The following RGS7BP variants were observed in gnomAD, a reference collection of about 807,000 sequenced individuals.
RGS7BP encodes regulator of G protein signaling 7-binding protein.
RGS7BP carries 9 observed loss-of-function variants against 31.3 expected under a neutral mutation model. The ratio of observed to expected loss-of-function variants is 0.29; its 90% CI spans 0.17 to 0.50. The LOEUF (loss-of-function observed/expected upper bound fraction) is 0.50. Ranked by LOEUF, RGS7BP falls within the 20% of genes least tolerant of loss-of-function variation. The pLI is 0.98. For missense variants in RGS7BP, 274 were observed against 322.0 expected (o/e 0.85, Z 1.14); for synonymous variants, 115 against 120.1 (o/e 0.96, Z 0.28).
intron 2 of RGS7BP, among the ~76,000 whole-genome samples, chr5:64,538,422 T>C (rs1741427730): frequency 6.6e-6 from 1 of 151,920 alleles, no homozygotes. Context: ...TATTTTGTCT[T>C]TGTTTTGCCT....
chr5:64,565,019 G>C (rs6896094), intron 2 of RGS7BP, among the ~76,000 whole-genome samples: 10 of 152,050 alleles, frequency 6.6e-5, no homozygotes, highest in African/African-American at 2.4e-4. Flanking sequence ...GCCACATTTG[G>C]ACCACATGCC....
intron 2 of RGS7BP, among the ~76,000 whole-genome samples, chr5:64,553,753 T>C (rs1741853570): frequency 1.3e-5 from 2 of 152,264 alleles, no homozygotes; most frequent in African/African-American, 2.4e-5. Context: ...AATGTATCTA[T>C]TTCTGGCAAG....
At chr5:64,594,053 G>A (rs1170177921) in intron 3 of RGS7BP, among the ~76,000 whole-genome samples, 2 of 152,186 alleles carry the variant, frequency 1.3e-5, no homozygotes. Flanking sequence ...ACAAGTCTTA[G>A]TGGGTAGGTA....
intron 2 of RGS7BP, among the ~76,000 whole-genome samples, chr5:64,543,799 G>A (rs1580415088): frequency 6.6e-6 from 1 of 152,184 alleles, no homozygotes; most frequent in African/African-American, 2.4e-5. Context: ...GAGCAAGGGT[G>A]TCCACTCTAT....
At chr5:64,581,013 A>G (rs1742583039) in intron 3 of RGS7BP, among the ~76,000 whole-genome samples, 1 of 152,098 alleles carries the variant, frequency 6.6e-6, no homozygotes, top group Admixed American at 6.5e-5. Flanking sequence ...CAGGAATTTG[A>G]GACCAGCCTG....
chr5:64,585,751 A>G (rs926834282), intron 3 of RGS7BP, among the ~76,000 whole-genome samples: 4 of 152,194 alleles, frequency 2.6e-5, no homozygotes, highest in Non-Finnish European at 4.4e-5. Flanking sequence ...AAACATGCCT[A>G]TTACATTATC....
At chr5:64,567,588 C>T (rs1045405036) in intron 2 of RGS7BP, among the ~76,000 whole-genome samples, 2 of 152,080 alleles carry the variant, frequency 1.3e-5, no homozygotes, top group Non-Finnish European at 2.9e-5. Flanking sequence ...TTTCAGACAT[C>T]GGGATCAATT....
At chr5:64,569,480 G>A (rs1469772985) in intron 2 of RGS7BP, among the ~76,000 whole-genome samples, 2 of 151,852 alleles carry the variant, frequency 1.3e-5, no homozygotes, top group African/African-American at 2.4e-5. Context: ...TACTCATTTT[G>A]GTATGAAATA....
At chr5:64,577,280 T>C (rs1035023930) in intron 3 of RGS7BP, among the ~76,000 whole-genome samples, 1 of 151,610 alleles carries the variant, frequency 6.6e-6, no homozygotes, top group African/African-American at 2.4e-5. Flanking sequence ...CTACTAAAAA[T>C]ACAAAAACAA....
At chr5:64,606,330 C>G (rs1444590176) in intron 5 of RGS7BP, among the ~76,000 whole-genome samples, 1 of 138,804 alleles carries the variant, frequency 7.2e-6, no homozygotes, top group African/African-American at 2.7e-5. Flanking sequence ...GAGGAGCAAA[C>G]ACATCAGAGT....
intron 2 of RGS7BP, among the ~76,000 whole-genome samples, chr5:64,523,217 T>G (rs1749152597): frequency 6.6e-6 from 1 of 152,140 alleles, no homozygotes; most frequent in Non-Finnish European, 1.5e-5. Flanking sequence ...AAAAGTAAAG[T>G]GGACACAGTG....
At chr5:64,573,300 G>A (rs186688557) in intron 2 of RGS7BP, among the ~76,000 whole-genome samples, 67 of 151,910 alleles carry the variant, frequency 4.4e-4, no homozygotes, top group African/African-American at 1.6e-3. Context: ...TTTTCTAGCT[G>A]TAAAATAATA....
chr5:64,578,004 T>G (rs536823514), intron 3 of RGS7BP, among the ~76,000 whole-genome samples: 1 of 152,342 alleles, frequency 6.6e-6, no homozygotes, highest in East Asian at 1.9e-4. Context: ...CCATCCACTC[T>G]TACTTTTTGT....
At chr5:64,534,780 C>A in intron 2 of RGS7BP, among the ~76,000 whole-genome samples, 1 of 152,090 alleles carries the variant, frequency 6.6e-6, no homozygotes, top group East Asian at 1.9e-4. Context: ...AAGGTCAGGG[C>A]TATAAATTTA....
intron 3 of RGS7BP, among the ~76,000 whole-genome samples, chr5:64,589,912 G>C (rs768164692): frequency 7.0e-6 from 1 of 143,626 alleles, no homozygotes; most frequent in African/African-American, 2.6e-5. Flanking sequence ...GCAACAGAGC[G>C]AGACCCTGAC....
chr5:64,532,457 T>C (rs1408655473), intron 2 of RGS7BP, among the ~76,000 whole-genome samples: 1 of 152,150 alleles, frequency 6.6e-6, no homozygotes, highest in Non-Finnish European at 1.5e-5. Context: ...TAGGAGAAAT[T>C]GTGTAAATAC....
intron 2 of RGS7BP, among the ~76,000 whole-genome samples, chr5:64,574,832 T>G (rs1373049354): frequency 6.6e-6 from 1 of 152,208 alleles, no homozygotes; most frequent in Admixed American, 6.5e-5. Flanking sequence ...ATGCTATATT[T>G]AAAAATCAGA....
At chr5:64,560,662 CATA>C (rs1321220834) in intron 2 of RGS7BP, among the ~76,000 whole-genome samples, 1 of 151,952 alleles carries the variant, frequency 6.6e-6, no homozygotes, top group African/African-American at 2.4e-5. Context: ...CTTGTCTCAG[CATA>C]ATATTTGAAA....
Position 64,576,605 on chromosome 5 carries a change from A to T in RGS7BP, c.463+701A>T, listed in dbSNP as rs79135186. Among the ~76,000 whole-genome samples, 694 of 152,336 alleles carry T rather than the reference A, an allele frequency of 4.6e-3. 2 individuals carry two copies. Among genetic ancestry groups the T allele is most frequent in the African/African-American group, 0.016 (652 of 41,576 alleles). On this transcript the variant is annotated intron_variant, in intron 3 of 5. Transcript: ENST00000334025. ...TCCCAGCTACGGAGAAAAAGTTGTG[A>T]ACTTCATTCTGTTTGGACCAGGCTT... is the stretch of plus-strand genomic sequence containing the variant.
Sources: gnomAD v4.1 joint callset for allele counts (sites outside exome capture counted in the v4.1 genomes callset) on GRCh38, gnomAD v4.1.1 for gene constraint, MANE v1.5 for transcripts, NCBI Gene and HGNC (gene_info 2026-07-23, HGNC 2026-07-21) for gene names.